TNFRSF1B: variants seen among roughly 807,000 people sequenced by gnomAD.
TNFRSF1B encodes TNF receptor superfamily member 1B.
In TNFRSF1B, 19 loss-of-function variants were observed where a neutral mutation model predicts 44.6. That is an observed-to-expected ratio of 0.43 (90% CI 0.30 to 0.62). The LOEUF (loss-of-function observed/expected upper bound fraction) is 0.62. Ranked by LOEUF, TNFRSF1B falls within the 20% of genes least tolerant of loss-of-function variation. TNFRSF1B has a pLI of 0.16. For synonymous variants in TNFRSF1B, 252 were observed against 261.1 expected (o/e 0.97, Z 0.34); for missense variants, 541 against 619.9 (o/e 0.87, Z 1.35).
chr1:12,190,168 C>T (rs1453900291), intron 2 of TNFRSF1B, among the ~76,000 whole-genome samples: 1 of 152,162 alleles, frequency 6.6e-6, no homozygotes, highest in Non-Finnish European at 1.5e-5. Context: ...GGGAAAGTGA[C>T]TCTCTTCTTT....
At chr1:12,181,982 A>C (rs1317190342) in intron 1 of TNFRSF1B, among the ~76,000 whole-genome samples, 1 of 152,168 alleles carries the variant, frequency 6.6e-6, no homozygotes, top group Admixed American at 6.5e-5. Context: ...CTCTCATTTT[A>C]CAGGCAGAGA....
chr1:12,185,597 C>T (rs1480030828), intron 1 of TNFRSF1B, among the ~76,000 whole-genome samples: 2 of 152,230 alleles, frequency 1.3e-5, no homozygotes, highest in Non-Finnish European at 2.9e-5. Flanking sequence ...GGGGTTACTT[C>T]TTCAGACCCT....
At chr1:12,183,762 TAGCTAG>T (rs1161002718) in intron 1 of TNFRSF1B, among the ~76,000 whole-genome samples, 31 of 111,754 alleles carry the variant, frequency 2.8e-4, no homozygotes, top group African/African-American at 8.6e-4. Flanking sequence ...GCTAGCTAGC[TAGCTAG>T]CTATCTATTC....
In TNFRSF1B at chr1:12,191,883, G is replaced by A. The variant is rs145097690; in HGVS notation, c.417G>A (p.Pro139=). The change falls in exon 4 of 10, where the codon CCG becomes CCA. Residue 139 remains proline (P), a synonymous_variant. Coordinates refer to ENST00000376259, the MANE Select transcript of TNFRSF1B (RefSeq NM_001066.3). ...SKQEGCRLCA[P]LRKCRPGFGV... is the part of the protein sequence containing the mutation. ...AGGAGGGGTGCCGGCTGTGCGCGCC[G>A]CTGCGCAAGTGCCGCCCGGGCTTCG... The A allele has an allele frequency of 3.1e-6, 5 of 1,610,406 alleles. No individual in the cohort carries two copies. The highest frequency in any genetic ancestry group is 1.7e-6 in the Non-Finnish European group (2 of 1,178,948).
At chr1:12,201,894 T>A in intron 8 of TNFRSF1B, 73 bp from the exon 9 acceptor site, 1 of 1,501,636 alleles carries the variant, frequency 6.7e-7, no homozygotes. Flanking sequence ...TGGATGGCAG[T>A]GGGAAGGAAG....
intron 1 of TNFRSF1B, among the ~76,000 whole-genome samples, chr1:12,170,688 A>C (rs2101074748): frequency 6.6e-6 from 1 of 152,222 alleles, no homozygotes; most frequent in East Asian, 1.9e-4. Flanking sequence ...TCTGAGATGG[A>C]GTCTTGCTCT....
At position 12,168,684 on chromosome 1, in the gene TNFRSF1B, A is replaced by C. The variant is rs1570116771; in HGVS notation, c.78+1515A>C. ...GAGTAGCTGGAGGAGGTTCCCTCCC[A>C]CTTCCTTCCCTTCCTGACCAGCTCC... On this transcript the variant is annotated intron_variant, in intron 1 of 9. Coordinates refer to ENST00000376259, the MANE Select transcript of TNFRSF1B (RefSeq NM_001066.3). The surrounding 1 kb of genome is among the most constrained non-coding windows in gnomAD (Gnocchi z 4.7). 6.6e-6 allele frequency among the ~76,000 whole-genome samples: 1 copy of C among 151,910 alleles called. No individual in the cohort carries two copies. The highest frequency in any genetic ancestry group is 2.4e-5 in the African/African-American group (1 of 41,316).
chr1:12,193,011 A>C lies in TNFRSF1B; in HGVS notation c.700A>C (p.Ser234Arg). 1 of 1,614,240 alleles carries C rather than the reference A, an allele frequency of 6.2e-7. No homozygotes were observed. The highest frequency in any genetic ancestry group is 8.5e-7 in the Non-Finnish European group (1 of 1,180,040). Residue 234 changes from serine (S) to arginine (R), a missense_variant, in exon 6 of 10, where the codon AGC becomes CGC. Transcript: ENST00000376259. The part of the protein sequence containing the change: ...SQHTQPTPEP[S>R]TAPSTSFLLP... ...ACACACGCAGCCAACTCCAGAACCC[A>C]GCACTGCTCCAAGCACCTCCTTCCT... is the stretch of plus-strand genomic sequence containing the variant.
At chr1:12,184,759 G>A (rs1439683739) in intron 1 of TNFRSF1B, among the ~76,000 whole-genome samples, 3 of 152,234 alleles carry the variant, frequency 2.0e-5, no homozygotes, top group Non-Finnish European at 4.4e-5. Flanking sequence ...ATTTCTTGCT[G>A]CCGCCTGGAG....
At chr1:12,183,664 C>A (rs868324932) in intron 1 of TNFRSF1B, among the ~76,000 whole-genome samples, 1 of 97,142 alleles carries the variant, frequency 1.0e-5, no homozygotes, top group Non-Finnish European at 2.2e-5. Flanking sequence ...TTTTATCTAT[C>A]TATCTATCTA....
rs757100808 is a variant in TNFRSF1B, at chr1:12,192,865, G to C, written c.554G>C (p.Cys185Ser). Reference sequence around the variant, plus strand: ...GACCAAGCCTCCTCCTCCTCCAGCTGTAACGTGGTGGCCATCCCTGGGAAT... The same window carrying C: ...GACCAAGCCTCCTCCTCCTCCAGCTCTAACGTGGTGGCCATCCCTGGGAAT... ...STDICRPHQI[C>S]NVVAIPGNAS... is the part of the protein sequence containing the mutation. The change falls in exon 6 of 10, where the codon TGT becomes TCT. Residue 185 changes from cysteine to serine, a missense_variant and splice_region_variant. Transcript: ENST00000376259. 5 of 1,613,070 alleles carry C rather than the reference G, an allele frequency of 3.1e-6. No homozygotes were observed. The highest frequency in any genetic ancestry group is 4.2e-6 in the Non-Finnish European group (5 of 1,179,474).
chr1:12,187,492 C>T lies in TNFRSF1B; in HGVS notation c.79-1304C>T, dbSNP rs1168869084. 2.6e-5 allele frequency among the ~76,000 whole-genome samples: 4 copies of T among 152,142 alleles called. No homozygotes were observed. The highest frequency in any genetic ancestry group is 4.1e-4 in the South Asian group (2 of 4,834). ...ATTCATCACATTGTTCATCTCTTCC[C>T]GGAGGCATCCAGCACAGTCTTTGAG... is the stretch of plus-strand genomic sequence containing the variant. On this transcript the variant is annotated intron_variant, in intron 1 of 9. Transcript: ENST00000376259. This position sits in a 1 kb window ranked among gnomAD's most constrained non-coding sequence, Gnocchi z 5.5.
At chr1:12,205,186 G>A (rs1389167527) in intron 9 of TNFRSF1B, among the ~76,000 whole-genome samples, 4 of 152,086 alleles carry the variant, frequency 2.6e-5, no homozygotes, top group Admixed American at 1.3e-4. Context: ...GGTGGAGGGC[G>A]CTTCGTGGAG....
rs1201131 is a variant in TNFRSF1B at position 12,186,405 on chromosome 1, C to T, written c.79-2391C>T. Among the ~76,000 whole-genome samples the T allele has an allele frequency of 2.9e-3, 440 of 152,336 alleles. 2 individuals carry two copies. Among genetic ancestry groups the T allele is most frequent in the African/African-American group, 9.5e-3 (395 of 41,570 alleles). The stretch of plus-strand genomic sequence containing the variant: ...TTTGGCCAGGTCTGCACTGGCCCAG[C>T]GGTGCTGGGTGTCGTGACTGGTGTC... On this transcript the variant is annotated intron_variant, in intron 1 of 9. Coordinates refer to ENST00000376259, the MANE Select transcript of TNFRSF1B (RefSeq NM_001066.3). The surrounding 1 kb of genome is among the most constrained non-coding windows in gnomAD (Gnocchi z 4.8).
Position 12,174,122 on chromosome 1 carries a change from T to TTTCTTCTTCTTCTTCTTCTTCTTCTTC in TNFRSF1B, c.78+6970_78+6996dup, listed in dbSNP as rs541359943. ...GCCACTCTGCATCTCTGAGACTCCA[T>TTTCTTCTTCTTCTTCTTCTTCTTCTTC]TTCTTCTTCTTCTTCTTCTTCTTCT... On this transcript the variant is annotated intron_variant, in intron 1 of 9. Coordinates refer to ENST00000376259, the MANE Select transcript of TNFRSF1B (RefSeq NM_001066.3). Among the ~76,000 whole-genome samples the TTTCTTCTTCTTCTTCTTCTTCTTCTTC allele has an allele frequency of 7.0e-3, 464 of 66,742 alleles. 28 individuals carry two copies. The highest frequency in any genetic ancestry group is 7.5e-3 in the Non-Finnish European group (236 of 31,318). 43.8% of individuals were successfully genotyped at this position (66,742 alleles called of 152,430 possible).
chr1:12,206,873 G>A lies in TNFRSF1B; in HGVS notation c.1239G>A (p.Ser413=), dbSNP rs761978081. 6.2e-6 allele frequency: 10 copies of A among 1,614,048 alleles called. No individual in the cohort carries two copies. The highest frequency in any genetic ancestry group is 1.6e-4 in the Middle Eastern group (1 of 6,084). ...STMGDTDSSP[S]ESPKDEQVPF... is the part of the protein sequence containing the mutation. ...TGGGAGACACAGATTCCAGCCCCTC[G>A]GAGTCCCCGAAGGACGAGCAGGTCC... Residue 413 remains serine, a synonymous_variant, in exon 10 of 10, where the codon TCG becomes TCA. Coordinates refer to ENST00000376259, the MANE Select transcript of TNFRSF1B (RefSeq NM_001066.3).
Position 12,189,773 on chromosome 1 carries a change from C to T in TNFRSF1B, c.178+878C>T, listed in dbSNP as rs1005356529. ...GTCAGGTAAGGCGGGGGAGACAGAA[C>T]GGGACATACTGTTTTACACAGGGTG... On this transcript the variant is annotated intron_variant, in intron 2 of 9. Coordinates refer to ENST00000376259, the MANE Select transcript of TNFRSF1B (RefSeq NM_001066.3). Among the ~76,000 whole-genome samples the T allele has an allele frequency of 5.3e-5, 8 of 152,156 alleles. No homozygotes were observed. In the East Asian group the frequency reaches 1.2e-3, roughly 22 times the overall value.
chr1:12,197,997 C>T (rs891626072), intron 8 of TNFRSF1B, among the ~76,000 whole-genome samples: 2 of 151,992 alleles, frequency 1.3e-5, no homozygotes, highest in African/African-American at 2.4e-5. Context: ...TGGTGGCGGG[C>T]GCCCGTAGTC....
At position 12,178,438 on chromosome 1, in the gene TNFRSF1B, G is replaced by C. The variant is rs1426211769; in HGVS notation, c.79-10358G>C. On this transcript the variant is annotated intron_variant, in intron 1 of 9. Coordinates refer to ENST00000376259, the MANE Select transcript of TNFRSF1B (RefSeq NM_001066.3). The surrounding 1 kb of genome is among the most constrained non-coding windows in gnomAD (Gnocchi z 4.3). ...ATTTTATAGATGATAAAGTGGAGGT[G>C]GGGGAATGGCAGAACTGGGATCAAA... Among the ~76,000 whole-genome samples the C allele has an allele frequency of 6.6e-6, 1 of 152,196 alleles. No individual in the cohort carries two copies. The highest frequency in any genetic ancestry group is 2.4e-5 in the African/African-American group (1 of 41,442).
Sources: allele counts gnomAD v4.1 joint callset (sites outside exome capture counted in the v4.1 genomes callset), GRCh38; gene constraint gnomAD v4.1.1; non-coding constraint Gnocchi (gnomAD v3.1); transcripts MANE v1.5; gene names NCBI Gene and HGNC (gene_info 2026-07-23, HGNC 2026-07-21).